ERBB4: variants seen among roughly 807,000 people sequenced by gnomAD.
ERBB4 encodes the protein erb-b2 receptor tyrosine kinase 4, also known as receptor tyrosine-protein kinase erbB-4.
A neutral mutation model predicts 158.0 loss-of-function variants in ERBB4; 42 were observed. The ratio of observed to expected loss-of-function variants is 0.27; its 90% CI spans 0.21 to 0.34. The LOEUF is 0.34. Ranked by LOEUF, ERBB4 falls within the 10% of genes least tolerant of loss-of-function variation. The probability of loss-of-function intolerance (pLI) is 1.00; values close to 1 mark genes in which losing one functional copy is unlikely to be tolerated. For missense variants in ERBB4, 1,333 were observed against 1,624.1 expected (o/e 0.82, Z 3.08); for synonymous variants, 583 against 558.7 (o/e 1.04, Z -0.61).
At chr2:212,500,699 C>G (rs991393807) in intron 1 of ERBB4, among the ~76,000 whole-genome samples, 1 of 151,894 alleles carries the variant, frequency 6.6e-6, no homozygotes, top group Non-Finnish European at 1.5e-5. Flanking sequence ...AACATTGAAC[C>G]AAGAAGATAG....
chr2:211,725,306 A>G, intron 5 of ERBB4, 112 bp from the exon 6 acceptor site: 1 of 819,866 alleles, frequency 1.2e-6, no homozygotes, highest in South Asian at 1.3e-5. Context: ...TTCAGCAAAC[A>G]TTTAATGAAT....
At chr2:211,722,342 G>A (rs765288421) in intron 7 of ERBB4, 51 bp downstream of exon 7, 3 of 1,457,276 alleles carry the variant, frequency 2.1e-6, no homozygotes, top group African/African-American at 2.8e-5. Flanking sequence ...AAATTCTTTT[G>A]ATTTCAAATA....
At chr2:212,224,172 AAAT>A (rs1166696953) in intron 1 of ERBB4, among the ~76,000 whole-genome samples, 3 of 152,058 alleles carry the variant, frequency 2.0e-5, no homozygotes, top group African/African-American at 7.2e-5. Flanking sequence ...AATTTACACC[AAAT>A]AAAAAGCCAG....
At chr2:211,662,118 C>A (rs1435246288) in intron 15 of ERBB4, among the ~76,000 whole-genome samples, 1 of 109,550 alleles carries the variant, frequency 9.1e-6, no homozygotes, top group Non-Finnish European at 1.9e-5. Flanking sequence ...AATATAAAAT[C>A]ATTATTCTAA....
chr2:212,088,732 T>C (rs751187155), intron 2 of ERBB4, among the ~76,000 whole-genome samples: 7 of 152,166 alleles, frequency 4.6e-5, no homozygotes, highest in African/African-American at 9.7e-5. Flanking sequence ...ACATAATTCA[T>C]AGAAATTACT....
At chr2:211,871,518 A>C (rs2078345248) in intron 3 of ERBB4, among the ~76,000 whole-genome samples, 1 of 151,828 alleles carries the variant, frequency 6.6e-6, no homozygotes, top group African/African-American at 2.4e-5. Context: ...AAAAAAAAAA[A>C]AAACCCTCTA....
intron 1 of ERBB4, among the ~76,000 whole-genome samples, chr2:212,240,593 G>T (rs185436708): frequency 7.8e-6 from 1 of 127,766 alleles, no homozygotes; most frequent in Non-Finnish European, 1.6e-5. Flanking sequence ...AGCCGAGATC[G>T]TGCCATTGCA....
intron 3 of ERBB4, among the ~76,000 whole-genome samples, chr2:211,883,462 T>C (rs752883036): frequency 4.0e-5 from 6 of 151,724 alleles, no homozygotes; most frequent in Admixed American, 1.3e-4. Context: ...ATAATAATAA[T>C]AAAAATAAAA....
intron 1 of ERBB4, among the ~76,000 whole-genome samples, chr2:212,381,531 A>T (rs1048891754): frequency 6.6e-6 from 1 of 151,100 alleles, no homozygotes; most frequent in African/African-American, 2.4e-5. Flanking sequence ...AACTTTCTTA[A>T]CTCTCCAAGC....
At position 211,839,131 on chromosome 2, in the gene ERBB4, G is replaced by A. The variant is rs185434863; in HGVS notation, c.422-50972C>T. Among the ~76,000 whole-genome samples the A allele has an allele frequency of 2.3e-3, 318 of 137,348 alleles. 4 individuals are homozygous for A. Among genetic ancestry groups the A allele is most frequent in the Admixed American group, 0.021 (270 of 13,006 alleles). 90.1% of individuals were successfully genotyped at this position (137,348 alleles called of 152,430 possible). A position where few individuals can be genotyped will look rare whatever the true frequency, so the allele number is the denominator to read the frequency against. ...ATTGAAAGAAATAAAGAGAGAGAGA[G>A]AGGGAGAGAGGGAGAGAGAGAAGGA... On this transcript the variant is annotated intron_variant, in intron 3 of 27. Transcript: ENST00000342788.
At chr2:212,464,600 A>G (rs558232016) in intron 1 of ERBB4, among the ~76,000 whole-genome samples, 2 of 152,212 alleles carry the variant, frequency 1.3e-5, no homozygotes, top group Admixed American at 1.3e-4. Flanking sequence ...AGTTCTAATT[A>G]TAAGAGTACC....
chr2:211,982,102 TA>T (rs1399006387), intron 2 of ERBB4, among the ~76,000 whole-genome samples: 1 of 151,902 alleles, frequency 6.6e-6, no homozygotes, highest in Non-Finnish European at 1.5e-5. Flanking sequence ...AAACAATAAA[TA>T]AATATAAACC....
chr2:212,203,188 A>T (rs1243924323), intron 1 of ERBB4, among the ~76,000 whole-genome samples: 1 of 152,098 alleles, frequency 6.6e-6, no homozygotes, highest in Non-Finnish European at 1.5e-5. Flanking sequence ...GGGAGAAGAG[A>T]TACAAGAGTT....
chr2:211,756,578 T>C (rs577222484), intron 4 of ERBB4, among the ~76,000 whole-genome samples: 20 of 152,268 alleles, frequency 1.3e-4, no homozygotes, highest in African/African-American at 4.1e-4. Context: ...TAAAATGATA[T>C]AGTTTGACCT....
At chr2:212,482,605 C>T (rs1214896765) in intron 1 of ERBB4, among the ~76,000 whole-genome samples, 1 of 152,058 alleles carries the variant, frequency 6.6e-6, no homozygotes, top group African/African-American at 2.4e-5. Flanking sequence ...AAATATTTAA[C>T]TCAACTTCTT....
At chr2:212,437,728 T>C (rs112934618) in intron 1 of ERBB4, among the ~76,000 whole-genome samples, 1,718 of 152,220 alleles carry the variant, frequency 0.011, 13 homozygotes, top group Middle Eastern at 0.034. Flanking sequence ...CCTTGCTCTT[T>C]ATGCCTTAGA....
chr2:211,435,488 C>A (rs931284407), intron 20 of ERBB4, among the ~76,000 whole-genome samples: 2 of 152,188 alleles, frequency 1.3e-5, no homozygotes, highest in Non-Finnish European at 2.9e-5. Context: ...GGATCCCCAA[C>A]CCCTGGGCCA....
chr2:212,020,389 A>T (rs914537208), intron 2 of ERBB4, among the ~76,000 whole-genome samples: 3 of 152,102 alleles, frequency 2.0e-5, no homozygotes, highest in Admixed American at 2.0e-4. Context: ...CACTTGTTCT[A>T]CTGGATATAT....
chr2:211,614,802 T>C (rs1339714181), intron 19 of ERBB4, among the ~76,000 whole-genome samples: 1 of 152,006 alleles, frequency 6.6e-6, no homozygotes, highest in African/African-American at 2.4e-5. Context: ...ATACTGCATA[T>C]CAAATGGAAA....
Sources: gnomAD v4.1 joint callset for allele counts (sites outside exome capture counted in the v4.1 genomes callset) on GRCh38, gnomAD v4.1.1 for gene constraint, MANE v1.5 for transcripts, NCBI Gene and HGNC (gene_info 2026-07-23, HGNC 2026-07-21) for gene names.